Variants in CHCHD3 observed in about 807,000 individuals in gnomAD.
CHCHD3 encodes coiled-coil-helix-coiled-coil-helix domain containing 3.
Under a neutral mutation model 38.2 loss-of-function variants are expected in CHCHD3, and 20 were observed. The observed-to-expected ratio is 0.52, with a 90% CI of 0.37 to 0.76. The LOEUF (loss-of-function observed/expected upper bound fraction) is 0.76, where lower values mean the gene tolerates loss of function less well. Among genes scored for constraint, CHCHD3 ranks in the 30% least tolerant of loss-of-function variants. The pLI is 0.00. For missense variants in CHCHD3, 245 were observed against 279.2 expected (o/e 0.88, Z 0.87); for synonymous variants, 82 against 100.0 (o/e 0.82, Z 1.07).
In CHCHD3 at chr7:132,913,221, A is replaced by G. The variant is rs142660095; in HGVS notation, c.370-27476T>C. Among the ~76,000 whole-genome samples, 993 of 152,268 alleles carry G rather than the reference A, an allele frequency of 6.5e-3. 11 individuals carry two copies. Among genetic ancestry groups the G allele is most frequent in the African/African-American group, 0.022 (922 of 41,554 alleles). On this transcript the variant is annotated intron_variant, in intron 4 of 7. Coordinates refer to ENST00000262570, the MANE Select transcript of CHCHD3 (RefSeq NM_017812.4). ...ATGTGGCTATCCCCCAAGTCCAACA[A>G]CCTCTGGAAACTGTGATAGGTACTA...
chr7:132,844,603 T>C (rs1388306502), intron 5 of CHCHD3, among the ~76,000 whole-genome samples: 1 of 152,220 alleles, frequency 6.6e-6, no homozygotes, highest in Non-Finnish European at 1.5e-5. Context: ...TTTCTTTCTT[T>C]AAAACAGAAA....
At chr7:132,915,955 A>AAT (rs1810095390) in intron 4 of CHCHD3, among the ~76,000 whole-genome samples, 2 of 145,086 alleles carry the variant, frequency 1.4e-5, no homozygotes, top group Admixed American at 6.9e-5. Context: ...TAATAAAAAA[A>AAT]TTTTTTTTTT....
At chr7:133,016,143 A>G (rs1813025245) in intron 3 of CHCHD3, among the ~76,000 whole-genome samples, 1 of 152,222 alleles carries the variant, frequency 6.6e-6, no homozygotes, top group African/African-American at 2.4e-5. Flanking sequence ...ACCAAACCAT[A>G]TAACTTGGTA....
chr7:132,862,183 G>A (rs1585581868), intron 5 of CHCHD3, among the ~76,000 whole-genome samples: 2 of 151,802 alleles, frequency 1.3e-5, no homozygotes, highest in African/African-American at 2.4e-5. Flanking sequence ...GGGAGGGGAG[G>A]GAAAGAAGGG....
At chr7:132,948,506 G>A (rs1810954635) in intron 4 of CHCHD3, among the ~76,000 whole-genome samples, 1 of 152,072 alleles carries the variant, frequency 6.6e-6, no homozygotes, top group African/African-American at 2.4e-5. Context: ...AATATATAAT[G>A]TGTAATTTTG....
intron 5 of CHCHD3, among the ~76,000 whole-genome samples, chr7:132,875,717 A>G: frequency 6.6e-6 from 1 of 152,228 alleles, no homozygotes; most frequent in Non-Finnish European, 1.5e-5. Context: ...GGAGATTAAT[A>G]AATGTGTTTT....
intron 2 of CHCHD3, among the ~76,000 whole-genome samples, chr7:133,067,053 T>A (rs902501684): frequency 5.9e-5 from 9 of 152,228 alleles, no homozygotes; most frequent in African/African-American, 1.9e-4. Flanking sequence ...TGTGTGACTT[T>A]GGGCAAAATA....
At chr7:132,785,703 G>A in intron 7 of CHCHD3, 43 bp from the exon 8 acceptor site, 1 of 1,598,654 alleles carries the variant, frequency 6.3e-7, no homozygotes, top group Non-Finnish European at 8.6e-7. Context: ...ACCGGGAGAG[G>A]ACAAAAAATA....
At chr7:132,833,768 C>T (rs974463704) in intron 6 of CHCHD3, among the ~76,000 whole-genome samples, 1 of 152,180 alleles carries the variant, frequency 6.6e-6, no homozygotes, top group Non-Finnish European at 1.5e-5. Context: ...TAAAATAATT[C>T]GATTAGCTAT....
At chr7:132,887,591 A>C (rs1046137203) in intron 4 of CHCHD3, among the ~76,000 whole-genome samples, 8 of 151,592 alleles carry the variant, frequency 5.3e-5, no homozygotes, top group African/African-American at 1.7e-4. Flanking sequence ...CACTGAAAAA[A>C]GAAGCCTCAT....
At chr7:132,801,283 G>A (rs946107194) in intron 6 of CHCHD3, among the ~76,000 whole-genome samples, 3 of 152,092 alleles carry the variant, frequency 2.0e-5, no homozygotes, top group Non-Finnish European at 2.9e-5. Flanking sequence ...AGAGTAAAAT[G>A]TAGTCTCTAA....
intron 4 of CHCHD3, among the ~76,000 whole-genome samples, chr7:132,932,012 T>C (rs1389695783): frequency 2.6e-5 from 4 of 152,296 alleles, no homozygotes; most frequent in East Asian, 1.9e-4. Flanking sequence ...TCAGGTAACA[T>C]TGGAAGTGCT....
chr7:132,912,947 T>A (rs749122060), intron 4 of CHCHD3, among the ~76,000 whole-genome samples: 9 of 152,218 alleles, frequency 5.9e-5, no homozygotes, highest in Non-Finnish European at 1.2e-4. Context: ...TATATGTTTG[T>A]TAAATAAAAA....
intron 4 of CHCHD3, among the ~76,000 whole-genome samples, chr7:132,957,530 T>G (rs942464813): frequency 2.6e-5 from 4 of 152,160 alleles, no homozygotes; most frequent in Non-Finnish European, 4.4e-5. Context: ...TCACCCAGGC[T>G]GCAGTGCAGT....
intron 6 of CHCHD3, among the ~76,000 whole-genome samples, chr7:132,826,053 A>G (rs1807500460): frequency 6.6e-6 from 1 of 152,134 alleles, no homozygotes; most frequent in Non-Finnish European, 1.5e-5. Context: ...CCAATCATAA[A>G]CCATGCTGAA....
At chr7:132,903,205 T>C (rs900421995) in intron 4 of CHCHD3, among the ~76,000 whole-genome samples, 10 of 152,242 alleles carry the variant, frequency 6.6e-5, no homozygotes, top group Non-Finnish European at 5.9e-5. Flanking sequence ...ATATAAACTA[T>C]GTACCTCCTC....
At chr7:132,998,687 T>C (rs1019251402) in intron 3 of CHCHD3, among the ~76,000 whole-genome samples, 1 of 152,164 alleles carries the variant, frequency 6.6e-6, no homozygotes, top group Non-Finnish European at 1.5e-5. Flanking sequence ...ATTACTCCTG[T>C]TTTTAAAAAT....
intron 5 of CHCHD3, among the ~76,000 whole-genome samples, chr7:132,841,741 T>C (rs1403080044): frequency 6.6e-6 from 1 of 152,202 alleles, no homozygotes; most frequent in African/African-American, 2.4e-5. Context: ...ACACGGGCTT[T>C]GCTGGGTTGC....
At chr7:132,910,215 C>T (rs1467865061) in intron 4 of CHCHD3, among the ~76,000 whole-genome samples, 1 of 152,168 alleles carries the variant, frequency 6.6e-6, no homozygotes, top group African/African-American at 2.4e-5. Context: ...CTAGGGACAA[C>T]TGTATTTGTA....
Sources: gnomAD v4.1 joint callset for allele counts (sites outside exome capture counted in the v4.1 genomes callset) on GRCh38, gnomAD v4.1.1 for gene constraint, MANE v1.5 for transcripts, NCBI Gene and HGNC (gene_info 2026-07-23, HGNC 2026-07-21) for gene names.